TMEM41B: variants seen among roughly 807,000 people sequenced by gnomAD.
TMEM41B encodes protein stasimon.
Under a neutral mutation model 31.9 loss-of-function variants are expected in TMEM41B, and 18 were observed. The observed-to-expected ratio is 0.56, with a 90% CI of 0.39 to 0.84. The LOEUF is 0.84. Ranked by LOEUF, TMEM41B falls within the 40% of genes least tolerant of loss-of-function variation. The probability of loss-of-function intolerance (pLI) is 0.00; values close to 1 mark genes in which losing one functional copy is unlikely to be tolerated. For synonymous variants in TMEM41B, 144 were observed against 124.3 expected (o/e 1.16, Z -1.05); for missense variants, 322 against 348.0 (o/e 0.93, Z 0.59).
At chr11:9,301,387 T>TC (rs983312063) in intron 1 of TMEM41B, among the ~76,000 whole-genome samples, 41 of 152,268 alleles carry the variant, frequency 2.7e-4, no homozygotes, top group Admixed American at 2.7e-3. Flanking sequence ...ATGTATACTA[T>TC]AATTCAGATT....
chr11:9,311,256 A>AG, intron 1 of TMEM41B: 1 of 1,499,978 alleles, frequency 6.7e-7, no homozygotes, highest in South Asian at 1.1e-5. Context: ...GTGAGACTTG[A>AG]GGGAAGGACC....
At chr11:9,300,595 G>A (rs60804460) in intron 1 of TMEM41B, among the ~76,000 whole-genome samples, 3 of 151,964 alleles carry the variant, frequency 2.0e-5, no homozygotes, top group Admixed American at 6.6e-5. Context: ...TTATATGAAC[G>A]AGGCCAGGCG....
At chr11:9,290,247 G>C (rs922896621) in intron 3 of TMEM41B, among the ~76,000 whole-genome samples, 2 of 151,992 alleles carry the variant, frequency 1.3e-5, no homozygotes, top group Non-Finnish European at 2.9e-5. Flanking sequence ...CGTGGTGGTG[G>C]GCACCTGTAG....
chr11:9,287,778 T>C lies in TMEM41B; in HGVS notation c.491A>G (p.Tyr164Cys). Reference protein sequence around the residue: ...LCSGLGASFCYMLSYLVGRPV... With the variant: ...LCSGLGASFCCMLSYLVGRPV... ...TCTCCCAACTAAATAGGAAAGCATA[T>C]AACAGAAAGAGGCACCAAGTCCAGA... Residue 164 changes from tyrosine to cysteine, a missense_variant, in exon 5 of 7, where the codon TAT (tyrosine) becomes TGT (cysteine). Coordinates refer to ENST00000528080, the MANE Select transcript of TMEM41B (RefSeq NM_015012.4). 6.2e-7 allele frequency: 1 copy of C among 1,613,260 alleles called. No homozygotes were observed. Among genetic ancestry groups the C allele is most frequent in the East Asian group, 2.2e-5 (1 of 44,848 alleles).
At chr11:9,287,158 T>G (rs1209506635) in intron 5 of TMEM41B, among the ~76,000 whole-genome samples, 2 of 151,150 alleles carry the variant, frequency 1.3e-5, no homozygotes, top group Non-Finnish European at 2.9e-5. Flanking sequence ...ATACAAAAAA[T>G]TAGCCAGGCG....
chr11:9,312,753 A>G (rs1479112548), intron 1 of TMEM41B, among the ~76,000 whole-genome samples: 1 of 151,650 alleles, frequency 6.6e-6, no homozygotes, highest in African/African-American at 2.4e-5. Context: ...AAAATACAAA[A>G]ATTAGCCCGG....
At chr11:9,305,241 T>A (rs944514295) in intron 1 of TMEM41B, among the ~76,000 whole-genome samples, 1 of 152,150 alleles carries the variant, frequency 6.6e-6, no homozygotes, top group African/African-American at 2.4e-5. Flanking sequence ...TAGGCTGACA[T>A]CAAAGCAAAG....
intron 2 of TMEM41B, among the ~76,000 whole-genome samples, chr11:9,296,967 G>T (rs1268104408): frequency 6.6e-6 from 1 of 152,114 alleles, no homozygotes; most frequent in Admixed American, 6.6e-5. Flanking sequence ...CACCCAGGCT[G>T]GATGGAGTGC....
At chr11:9,296,400 T>G (rs1019610218) in intron 2 of TMEM41B, among the ~76,000 whole-genome samples, 2 of 151,128 alleles carry the variant, frequency 1.3e-5, no homozygotes, top group South Asian at 2.1e-4. Context: ...CCGAGGCGGG[T>G]GGATCGCCTG....
chr11:9,302,811 G>A (rs1047247782), intron 1 of TMEM41B, among the ~76,000 whole-genome samples: 1 of 99,086 alleles, frequency 1.0e-5, no homozygotes, highest in Non-Finnish European at 2.2e-5. Context: ...ACTTTTACAA[G>A]TAAGAGGCCC....
At chr11:9,292,751 G>C (rs12575328) in intron 3 of TMEM41B, among the ~76,000 whole-genome samples, 4 of 151,834 alleles carry the variant, frequency 2.6e-5, no homozygotes, top group Admixed American at 6.6e-5. Context: ...AGCCTGCCTC[G>C]GTCTCCCAAA....
intron 1 of TMEM41B, among the ~76,000 whole-genome samples, chr11:9,304,775 A>T (rs558977490): frequency 6.6e-6 from 1 of 152,052 alleles, no homozygotes; most frequent in African/African-American, 2.4e-5. Context: ...TTCCTGCCTC[A>T]ATCTCCCAAG....
At chr11:9,314,006 C>T (rs1853625942) in intron 1 of TMEM41B, among the ~76,000 whole-genome samples, 1 of 152,230 alleles carries the variant, frequency 6.6e-6, no homozygotes, top group South Asian at 2.1e-4. Context: ...GCGAATGCCA[C>T]AGTACAGCTC....
chr11:9,300,164 A>G (rs986560201), intron 1 of TMEM41B, among the ~76,000 whole-genome samples: 1 of 152,208 alleles, frequency 6.6e-6, no homozygotes, highest in Non-Finnish European at 1.5e-5. Flanking sequence ...ACTGTACAGT[A>G]CTTGAAGTTT....
chr11:9,304,423 T>C (rs11042274), intron 1 of TMEM41B, among the ~76,000 whole-genome samples: 59,822 of 152,018 alleles, frequency 0.39, 12,649 homozygotes, highest in East Asian at 0.5. Context: ...CTAAATCCAA[T>C]TGAATAAAAA....
intron 6 of TMEM41B, among the ~76,000 whole-genome samples, 190 bp from the exon 7 acceptor site, chr11:9,283,783 A>G (rs1417769919): frequency 1.3e-5 from 2 of 148,820 alleles, no homozygotes; most frequent in Non-Finnish European, 1.5e-5. Flanking sequence ...TCTTAAGGAT[A>G]ATGATTTTTT....
At chr11:9,291,347 A>G (rs1343267379) in intron 3 of TMEM41B, among the ~76,000 whole-genome samples, 1 of 151,836 alleles carries the variant, frequency 6.6e-6, no homozygotes, top group East Asian at 1.9e-4. Flanking sequence ...GCGTCGCTAC[A>G]CTCCAGCCTG....
chr11:9,290,038 AACAC>A (rs138140225), intron 3 of TMEM41B, among the ~76,000 whole-genome samples: 9,339 of 149,868 alleles, frequency 0.062, 307 homozygotes, highest in South Asian at 0.15. Context: ...TCAAAAACAA[AACAC>A]ACACACACAC....
At chr11:9,287,398 CA>C (rs1852860069) in intron 5 of TMEM41B, among the ~76,000 whole-genome samples, 1 of 152,170 alleles carries the variant, frequency 6.6e-6, no homozygotes, top group African/African-American at 2.4e-5. Flanking sequence ...TAACATAAAA[CA>C]GATAGGTATC....
Sources: gnomAD v4.1 joint callset for allele counts (sites outside exome capture counted in the v4.1 genomes callset) on GRCh38, gnomAD v4.1.1 for gene constraint, MANE v1.5 for transcripts, NCBI Gene and HGNC (gene_info 2026-07-23, HGNC 2026-07-21) for gene names.